DPP8: variants seen among roughly 807,000 people sequenced by gnomAD.
The protein encoded by DPP8 is DPP VIII.
Under a neutral mutation model 107.5 loss-of-function variants are expected in DPP8, and 31 were observed. The observed-to-expected ratio is 0.29, with a 90% CI of 0.22 to 0.39. DPP8 has a LOEUF of 0.39. DPP8 is among the 10% of genes least tolerant of loss of function. The pLI is 1.00. For synonymous variants in DPP8, 381 were observed against 356.6 expected, an observed-to-expected ratio of 1.07 and a Z score of -0.77; for missense variants, 842 against 1,076.1, an observed-to-expected ratio of 0.78 and a Z score of 3.04.
At position 65,474,304 on chromosome 15, in the gene DPP8, A is replaced by G. The variant is rs755826367; in HGVS notation, c.1457-16T>C. On this transcript the variant is annotated splice_polypyrimidine_tract_variant and intron_variant, in intron 11 of 19. Transcript: ENST00000300141. ...TTGAAATCACCTGAAGATAAATATA[A>G]TTATAATTCAGTACATTATACCAGA... 8 of 1,536,834 alleles carry G rather than the reference A, an allele frequency of 5.2e-6. No homozygotes were observed. The highest frequency in any genetic ancestry group is 1.4e-5 in the African/African-American group (1 of 73,336).
At chr15:65,478,806 G>T in intron 11 of DPP8, 74 bp downstream of exon 11, 1 of 1,050,738 alleles carries the variant, frequency 9.5e-7, no homozygotes, top group Non-Finnish European at 1.4e-6. Context: ...GCATGCAAAA[G>T]ATACATTCCC....
rs1312510505 is a variant in DPP8, at chr15:65,475,181, G to A, written c.1457-893C>T. On this transcript the variant is annotated intron_variant, in intron 11 of 19. Coordinates refer to ENST00000300141, the MANE Select transcript of DPP8 (RefSeq NM_130434.5). ...CACTGGGGTAAAGGAGGAAGTCCAG[G>A]GCAATGCAGTGATATTTCTGCCAGG... 5 of 424,238 alleles carry A rather than the reference G, an allele frequency of 1.2e-5. No individual in the cohort carries two copies. In the East Asian group the frequency reaches 2.2e-4, roughly 19 times the overall value. The allele number at this position is 424,238 out of a possible 1,614,324, so 26.3% of individuals were successfully genotyped here.
At chr15:65,499,803 T>C (rs1192145603) in intron 4 of DPP8, among the ~76,000 whole-genome samples, 2 of 152,196 alleles carry the variant, frequency 1.3e-5, no homozygotes, top group Admixed American at 1.3e-4. Context: ...TAGGCTCAAA[T>C]GATCTGCCCA....
intron 15 of DPP8, among the ~76,000 whole-genome samples, chr15:65,460,173 G>A (rs1003286854): frequency 1.3e-5 from 2 of 152,064 alleles, no homozygotes; most frequent in African/African-American, 2.4e-5. Context: ...CAGGCATGGT[G>A]GGTTACGTCT....
chr15:65,503,269 G>A (rs188766812), intron 3 of DPP8, among the ~76,000 whole-genome samples: 7 of 151,876 alleles, frequency 4.6e-5, no homozygotes, highest in Non-Finnish European at 7.4e-5. Context: ...ACCATGCTCG[G>A]CTAATTTTGT....
intron 1 of DPP8, chr15:65,516,010 G>C (rs897945561): frequency 4.7e-6 from 2 of 422,324 alleles, no homozygotes; most frequent in Non-Finnish European, 8.3e-6. Context: ...ATAGTCAAAA[G>C]AATATCCTAA....
At chr15:65,487,476 A>G (rs2067559924) in intron 7 of DPP8, among the ~76,000 whole-genome samples, 1 of 152,182 alleles carries the variant, frequency 6.6e-6, no homozygotes, top group African/African-American at 2.4e-5. Flanking sequence ...TCATTCCTTG[A>G]GGAAACCAAT....
chr15:65,492,763 T>A (rs1416103485), intron 5 of DPP8, among the ~76,000 whole-genome samples: 1 of 151,928 alleles, frequency 6.6e-6, no homozygotes, highest in Non-Finnish European at 1.5e-5. Context: ...CCCAGCTAAT[T>A]TTTTAAAAAA....
At chr15:65,512,636 C>CA (rs1029601479) in intron 1 of DPP8, 72 bp from the exon 2 acceptor site, 752 of 1,405,314 alleles carry the variant, frequency 5.4e-4, no homozygotes, top group Middle Eastern at 7.6e-4. Flanking sequence ...CTGAGAGGGT[C>CA]AAAAAAAAAG....
At chr15:65,487,464 A>C (rs2067558880) in intron 7 of DPP8, among the ~76,000 whole-genome samples, 1 of 152,120 alleles carries the variant, frequency 6.6e-6, no homozygotes, top group Admixed American at 6.6e-5. Context: ...ATACCTTCTA[A>C]TTCATTCCTT....
chr15:65,467,311 C>T, intron 12 of DPP8, 88 bp from the exon 13 acceptor site: 7 of 1,311,960 alleles, frequency 5.3e-6, no homozygotes, highest in Non-Finnish European at 7.5e-6. Context: ...ACTTGAGCCA[C>T]TCCTTGACTT....
chr15:65,486,275 G>A (rs1266123123), intron 7 of DPP8, among the ~76,000 whole-genome samples: 1 of 151,394 alleles, frequency 6.6e-6, no homozygotes, highest in African/African-American at 2.4e-5. Flanking sequence ...GGCGGCGGGC[G>A]CCTGTAATCC....
At chr15:65,480,776 T>C (rs921103746) in intron 9 of DPP8, among the ~76,000 whole-genome samples, 4 of 152,080 alleles carry the variant, frequency 2.6e-5, no homozygotes, top group African/African-American at 9.7e-5. Context: ...ACAGTCTGGG[T>C]GACACAGAGA....
chr15:65,498,736 T>C (rs2068856114), intron 4 of DPP8, among the ~76,000 whole-genome samples: 1 of 152,048 alleles, frequency 6.6e-6, no homozygotes, highest in Non-Finnish European at 1.5e-5. Context: ...GAAGCCAGGA[T>C]CATCACAATT....
chr15:65,488,260 A>G (rs2067630058), intron 6 of DPP8, among the ~76,000 whole-genome samples: 1 of 152,188 alleles, frequency 6.6e-6, no homozygotes, highest in Admixed American at 6.6e-5. Flanking sequence ...ACATCTTAAA[A>G]TAAAATGTCC....
chr15:65,463,597 T>C (rs1471758497), intron 15 of DPP8, among the ~76,000 whole-genome samples, 164 bp downstream of exon 15: 1 of 149,908 alleles, frequency 6.7e-6, no homozygotes, highest in Non-Finnish European at 1.5e-5. Flanking sequence ...CAAAAACCAG[T>C]TTCCTGACCC....
At chr15:65,478,417 G>A (rs2066602823) in intron 11 of DPP8, among the ~76,000 whole-genome samples, 1 of 152,002 alleles carries the variant, frequency 6.6e-6, no homozygotes, top group Non-Finnish European at 1.5e-5. Flanking sequence ...ACACCACCAC[G>A]CCCGGATCAT....
At chr15:65,490,081 T>C in intron 6 of DPP8, 108 bp downstream of exon 6, 1 of 651,546 alleles carries the variant, frequency 1.5e-6, no homozygotes, top group South Asian at 1.8e-5. Flanking sequence ...GAATCTATTA[T>C]CCGCTTTCAA....
intron 13 of DPP8, 24 bp from the exon 14 acceptor site, chr15:65,466,837 AT>A (rs1456918630): frequency 6.2e-7 from 1 of 1,602,614 alleles, no homozygotes; most frequent in East Asian, 2.2e-5. Flanking sequence ...AAACAATTAT[AT>A]TTTTCGTCAG....
Sources: gnomAD v4.1 joint callset for allele counts (sites outside exome capture counted in the v4.1 genomes callset) on GRCh38, gnomAD v4.1.1 for gene constraint, MANE v1.5 for transcripts, NCBI Gene and HGNC (gene_info 2026-07-23, HGNC 2026-07-21) for gene names.